The following SPATS2L variants were observed in gnomAD, a reference collection of about 807,000 sequenced individuals.
The protein encoded by SPATS2L is SPATS2-like protein.
Under a neutral mutation model 59.6 loss-of-function variants are expected in SPATS2L, and 30 were observed. The ratio of observed to expected loss-of-function variants is 0.50; its 90% CI spans 0.38 to 0.68. SPATS2L has a LOEUF of 0.68. Ranked by LOEUF, SPATS2L falls within the 30% of genes least tolerant of loss-of-function variation. The pLI is 0.00. For synonymous variants in SPATS2L, 252 were observed against 263.5 expected (o/e 0.96, Z 0.42); for missense variants, 615 against 700.0 (o/e 0.88, Z 1.37).
chr2:200,424,049 A>C (rs2083421701), intron 6 of SPATS2L, among the ~76,000 whole-genome samples: 1 of 152,204 alleles, frequency 6.6e-6, no homozygotes, highest in Admixed American at 6.5e-5. Flanking sequence ...ATCGTTTAGA[A>C]GTTTAGGAGT....
intron 3 of SPATS2L, among the ~76,000 whole-genome samples, chr2:200,410,100 G>A (rs1474177913): frequency 3.3e-5 from 5 of 151,530 alleles, no homozygotes; most frequent in Admixed American, 3.3e-4. Flanking sequence ...AATGTACTTA[G>A]TATAATTAAT....
chr2:200,375,354 T>G (rs1025181572), intron 2 of SPATS2L, among the ~76,000 whole-genome samples: 3 of 152,180 alleles, frequency 2.0e-5, no homozygotes, highest in African/African-American at 4.8e-5. Flanking sequence ...CGAGAGGAAC[T>G]AGAGAGCTAT....
chr2:200,337,870 G>A (rs1395501463), intron 2 of SPATS2L, among the ~76,000 whole-genome samples: 1 of 152,120 alleles, frequency 6.6e-6, no homozygotes, highest in Non-Finnish European at 1.5e-5. Flanking sequence ...GTTCTGCTTT[G>A]TTCACCAATA....
intron 1 of SPATS2L, among the ~76,000 whole-genome samples, chr2:200,310,127 A>G (rs1381744141): frequency 2.0e-5 from 3 of 152,108 alleles, no homozygotes; most frequent in South Asian, 2.1e-4. Context: ...CTATTTATCT[A>G]CTTCCTTAAT....
chr2:200,442,608 C>CCT (rs1250568490), intron 8 of SPATS2L, among the ~76,000 whole-genome samples: 2 of 152,336 alleles, frequency 1.3e-5, no homozygotes, highest in East Asian at 3.9e-4. Flanking sequence ...CTGTGTGATA[C>CCT]CTTCCATCTG....
chr2:200,479,305 T>A lies in SPATS2L; in HGVS notation c.*1274T>A, dbSNP rs1248940936. The A allele has an allele frequency of 2.5e-5, 9 of 362,154 alleles. No individual in the cohort carries two copies. Among genetic ancestry groups the A allele is most frequent in the Non-Finnish European group, 3.9e-5 (8 of 203,288 alleles). 22.4% of individuals were successfully genotyped at this position (362,154 alleles called of 1,614,324 possible). On this transcript the variant is annotated 3_prime_UTR_variant, in exon 13 of 13. Transcript: ENST00000409140. ...ACCATGCTCTTAAGACTCAAGTCTA[T>A]TTTCCACACTGTCCAGAGGAGAGAA... is the stretch of plus-strand genomic sequence containing the variant.
rs533063669 is a variant in SPATS2L, at chr2:200,372,070, A to G, written c.-22-17153A>G. On this transcript the variant is annotated intron_variant, in intron 2 of 12. Coordinates refer to ENST00000409140, the MANE Select transcript of SPATS2L (RefSeq NM_001100423.2). ...ACTTCTGAGAGTGTGCCTTGTAGGT[A>G]TCAGCTGGACTTGACTTGGCTTCAA... is the stretch of plus-strand genomic sequence containing the variant. 8 of 985,374 alleles carry G rather than the reference A, an allele frequency of 8.1e-6. 1 individual carries two copies. In the South Asian group the frequency reaches 2.8e-4, roughly 35 times the overall value. 61.0% of individuals were successfully genotyped at this position (985,374 alleles called of 1,614,324 possible). A position where few individuals can be genotyped will look rare whatever the true frequency, so the allele number is the denominator to read the frequency against.
chr2:200,456,896 C>A (rs79140123), intron 8 of SPATS2L, among the ~76,000 whole-genome samples: 1,780 of 152,206 alleles, frequency 0.012, 33 homozygotes, highest in African/African-American at 0.04. Flanking sequence ...TTCTTGCCAT[C>A]GTCATTTTCT....
chr2:200,440,815 T>G, intron 8 of SPATS2L, 31 bp downstream of exon 8: 1 of 1,609,220 alleles, frequency 6.2e-7, no homozygotes, highest in Non-Finnish European at 8.5e-7. Context: ...ACCATAAATT[T>G]GTGATGCTTG....
chr2:200,388,452 G>C (rs552927249), intron 2 of SPATS2L, among the ~76,000 whole-genome samples: 158 of 152,170 alleles, frequency 1.0e-3, no homozygotes, highest in Non-Finnish European at 1.9e-3. Flanking sequence ...CATACCTGCA[G>C]TTCCACCTAC....
chr2:200,420,093 C>T (rs1271536955), intron 6 of SPATS2L, among the ~76,000 whole-genome samples: 2 of 152,058 alleles, frequency 1.3e-5, no homozygotes, highest in Non-Finnish European at 1.5e-5. Flanking sequence ...GAATCTGGAA[C>T]ATTAATTATT....
chr2:200,391,468 T>G (rs1302547345), intron 3 of SPATS2L, among the ~76,000 whole-genome samples: 2 of 152,210 alleles, frequency 1.3e-5, no homozygotes, highest in Admixed American at 6.5e-5. Context: ...AAAACATTAT[T>G]TTGAGAAAGA....
chr2:200,327,644 C>T (rs916959093), intron 1 of SPATS2L, among the ~76,000 whole-genome samples: 1 of 152,100 alleles, frequency 6.6e-6, no homozygotes, highest in African/African-American at 2.4e-5. Flanking sequence ...TTTTGTGGGG[C>T]ATAAAGAAAA....
chr2:200,315,898 A>G (rs1246170636), intron 1 of SPATS2L, among the ~76,000 whole-genome samples: 1 of 143,710 alleles, frequency 7.0e-6, no homozygotes, highest in African/African-American at 2.5e-5. Flanking sequence ...GGTGGTGGGC[A>G]CCTGCAGTCC....
chr2:200,472,969 G>T lies in SPATS2L; in HGVS notation c.1198G>T (p.Gly400Cys), dbSNP rs765047896. The change falls in exon 12 of 13, where the codon GGC (glycine) becomes TGC (cysteine). Residue 400 changes from glycine to cysteine, a missense_variant. Gly to Cys is a radical substitution (Grantham distance 159). This residue lies in a region of SPATS2L where 284 missense variants were observed against 280.1 expected (regional missense o/e 1.01). Transcript: ENST00000409140. ...KSSTHNKPSE[G>C]KAANPKMVSS... ...ATCCACTCACAATAAGCCCTCTGAAGGCAAAGCGGCAAACCCCAAAATGGT... is the reference window on the plus strand; with the variant it reads ...ATCCACTCACAATAAGCCCTCTGAATGCAAAGCGGCAAACCCCAAAATGGT... 8 of 1,613,834 alleles carry T rather than the reference G, an allele frequency of 5.0e-6. 1 individual carries two copies. In the South Asian group the frequency reaches 8.8e-5, roughly 18 times the overall value.
chr2:200,331,162 A>G (rs1389891266), intron 2 of SPATS2L, among the ~76,000 whole-genome samples: 1 of 152,238 alleles, frequency 6.6e-6, no homozygotes, highest in Non-Finnish European at 1.5e-5. Context: ...GTCCGAATTC[A>G]ATTATGAAGA....
chr2:200,360,967 C>CTGTGTGTGTGTG (rs145080452), intron 2 of SPATS2L, among the ~76,000 whole-genome samples: 129 of 140,420 alleles, frequency 9.2e-4, no homozygotes, highest in Middle Eastern at 3.7e-3. Context: ...CAGAACAGGG[C>CTGTGTGTGTGTG]TGTGTGTGTG....
intron 6 of SPATS2L, among the ~76,000 whole-genome samples, chr2:200,431,556 G>A (rs1477707245): frequency 6.6e-6 from 1 of 152,168 alleles, no homozygotes; most frequent in East Asian, 1.9e-4. Flanking sequence ...AGAAGACAAT[G>A]AAACCATCTT....
At chr2:200,372,765 C>G (rs1055016705) in intron 2 of SPATS2L, among the ~76,000 whole-genome samples, 14 of 152,120 alleles carry the variant, frequency 9.2e-5, no homozygotes, top group African/African-American at 3.4e-4. Flanking sequence ...TTGACTAGCT[C>G]TGGGACCTGG....
Sources: allele counts gnomAD v4.1 joint callset (sites outside exome capture counted in the v4.1 genomes callset), GRCh38; gene constraint gnomAD v4.1.1; regional missense constraint gnomAD v4.1.1; transcripts MANE v1.5; gene names NCBI Gene and HGNC (gene_info 2026-07-23, HGNC 2026-07-21).